Variants in LRP1 observed in about 807,000 individuals in gnomAD.
LRP1 encodes LDL receptor related protein 1, also known as prolow-density lipoprotein receptor-related protein 1.
Under a neutral mutation model 541.5 loss-of-function variants are expected in LRP1, and 51 were observed. The ratio of observed to expected loss-of-function variants is 0.09; its 90% CI spans 0.08 to 0.12. The LOEUF (loss-of-function observed/expected upper bound fraction) is 0.12, where lower values mean the gene tolerates loss of function less well. LRP1 is among the 10% of genes least tolerant of loss of function. The pLI is 1.00. For missense variants in LRP1, 3,878 were observed against 6,376.2 expected (o/e 0.61, Z 13.34); for synonymous variants, 2,219 against 2,470.8 (o/e 0.90, Z 3.02).
At chr12:57,186,655 T>C (rs565256790) in intron 41 of LRP1, among the ~76,000 whole-genome samples, 2 of 152,340 alleles carry the variant, frequency 1.3e-5, no homozygotes, top group Admixed American at 6.5e-5. Flanking sequence ...CGGTACTCCA[T>C]GCTCGTAGCT....
At position 57,209,825 on chromosome 12, in the gene LRP1, C is replaced by A. The variant is rs750194742; in HGVS notation, c.12396C>A (p.His4132Gln). ...TCAACCTGACAGGGGGCCTGAGCCA[C>A]GCCTCTGACGTGGTCCTTTACCATC... ...PLVNLTGGLS[H>Q]ASDVVLYHQH... The change falls in exon 80 of 89, where the codon CAC (histidine) becomes CAA (glutamine). Residue 4132 changes from histidine to glutamine, a missense_variant. Physicochemically the swap from His to Gln is conservative, Grantham distance 24 (BLOSUM62 0). Coordinates refer to ENST00000243077, the MANE Select transcript of LRP1 (RefSeq NM_002332.3). 6.2e-7 allele frequency: 1 copy of A among 1,614,102 alleles called. No individual in the cohort carries two copies. The highest frequency in any genetic ancestry group is 1.7e-5 in the Admixed American group (1 of 60,008).
At position 57,173,955 on chromosome 12, in the gene LRP1, C is replaced by T. The variant is rs773683010; in HGVS notation, c.3522C>T (p.Asp1174=). The T allele has an allele frequency of 3.5e-5, 57 of 1,614,174 alleles. No homozygotes were observed. Among genetic ancestry groups the T allele is most frequent in the Middle Eastern group, 1.6e-4 (1 of 6,062 alleles). Residue 1174 remains aspartate (D), a synonymous_variant, in exon 22 of 89, where the codon GAC becomes GAT. Coordinates refer to ENST00000243077, the MANE Select transcript of LRP1 (RefSeq NM_002332.3). This position sits in a 1 kb window ranked among gnomAD's most constrained non-coding sequence, Gnocchi z 4.7. Reference sequence around the variant, plus strand: ...GTGATGGCAACGACGACTGTGGCGACGGCTCAGATGAGGGCGAGCTCTGCG... The same window carrying T: ...GTGATGGCAACGACGACTGTGGCGATGGCTCAGATGAGGGCGAGCTCTGCG... ...KLCDGNDDCG[D]GSDEGELCDQ...
rs532017351 is a variant in LRP1 at position 57,185,257 on chromosome 12, G to C, written c.6463+52G>C. The C allele has an allele frequency of 1.8e-4, 287 of 1,604,548 alleles. 2 individuals carry two copies. In the South Asian group the frequency reaches 3.0e-3, roughly 17 times the overall value. On this transcript the variant is annotated intron_variant, in intron 40 of 88. Transcript: ENST00000243077. The surrounding 1 kb of genome is among the most constrained non-coding windows in gnomAD (Gnocchi z 4.9). ...GGAGAGGTGAGGGGGACTCTGGCCTGGGAGAGTGCTCCCCAGGGAACCCAG... is the reference window on the plus strand; with the variant it reads ...GGAGAGGTGAGGGGGACTCTGGCCTCGGAGAGTGCTCCCCAGGGAACCCAG...
At chr12:57,198,109 C>T (rs1159940335) in intron 58 of LRP1, 47 bp from the exon 59 acceptor site, 4 of 1,537,436 alleles carry the variant, frequency 2.6e-6, no homozygotes, top group African/African-American at 1.4e-5. Context: ...CTTGCAGGTC[C>T]TCCCCCAGGT....
rs900561976 is a variant in LRP1, at chr12:57,130,609, G to A, written c.67+1578G>A. Among the ~76,000 whole-genome samples the A allele has an allele frequency of 3.3e-5, 5 of 152,148 alleles. No individual in the cohort carries two copies. In the East Asian group the frequency reaches 5.8e-4, roughly 18 times the overall value. ...AGATTGGGGTTGCAGCCGCTTCTGGGAGGAATAGAAAAAAAATTTGAGAGA... is the reference window on the plus strand; with the variant it reads ...AGATTGGGGTTGCAGCCGCTTCTGGAAGGAATAGAAAAAAAATTTGAGAGA... On this transcript the variant is annotated intron_variant, in intron 1 of 88. Coordinates refer to ENST00000243077, the MANE Select transcript of LRP1 (RefSeq NM_002332.3).
At chr12:57,130,625 A>G (rs2035019248) in intron 1 of LRP1, among the ~76,000 whole-genome samples, 1 of 152,054 alleles carries the variant, frequency 6.6e-6, no homozygotes, top group South Asian at 2.1e-4. Context: ...TAGAAAAAAA[A>G]TTTGAGAGAG....
chr12:57,135,441 C>T (rs1222568032), intron 1 of LRP1, among the ~76,000 whole-genome samples: 2 of 152,236 alleles, frequency 1.3e-5, no homozygotes, highest in Admixed American at 6.5e-5. Context: ...ACTCAGCTCT[C>T]TCCCAGCTCT....
At chr12:57,142,358 G>A (rs1443060894) in intron 3 of LRP1, among the ~76,000 whole-genome samples, 1 of 152,042 alleles carries the variant, frequency 6.6e-6, no homozygotes, top group Admixed American at 6.5e-5. Flanking sequence ...TGTGGGGGCA[G>A]TGTCCTGTGC....
At chr12:57,139,097 G>A (rs2136656510) in intron 2 of LRP1, among the ~76,000 whole-genome samples, 1 of 152,322 alleles carries the variant, frequency 6.6e-6, no homozygotes, top group South Asian at 2.1e-4. Flanking sequence ...TTTTAACTGG[G>A]AGAAAGGTCC....
chr12:57,163,309 A>G (rs549793584), intron 15 of LRP1, among the ~76,000 whole-genome samples: 1 of 152,320 alleles, frequency 6.6e-6, no homozygotes, highest in East Asian at 1.9e-4. Flanking sequence ...TAAAATAATA[A>G]ATAGTTCCAA....
chr12:57,167,323 C>T (rs2035859204), intron 18 of LRP1, 121 bp from the exon 19 acceptor site: 3 of 770,830 alleles, frequency 3.9e-6, no homozygotes, highest in Admixed American at 4.0e-5. Context: ...GGGGCCTTCC[C>T]CACCCTTCCT....
rs746078318 is a variant in LRP1, at chr12:57,193,168, C to T, written c.7556-8C>T. The T allele has an allele frequency of 1.9e-6, 3 of 1,613,544 alleles. No homozygotes were observed. The highest frequency in any genetic ancestry group is 2.5e-6 in the Non-Finnish European group (3 of 1,179,718). ...GGCTCAGAAAGCTCCCTCCACCTCC[C>T]TCCCCAGCGGTGAATTCCTCTTGCC... is the stretch of plus-strand genomic sequence containing the variant. On this transcript the variant is annotated splice_region_variant and splice_polypyrimidine_tract_variant and intron_variant, in intron 45 of 88. Transcript: ENST00000243077.
At chr12:57,203,111 C>T in intron 68 of LRP1, 70 bp from the exon 69 acceptor site, 1 of 1,139,522 alleles carries the variant, frequency 8.8e-7, no homozygotes, top group South Asian at 1.5e-5. Context: ...GGGCTCGGGA[C>T]TGTGGCACTA....
At chr12:57,210,195 G>T in intron 81 of LRP1, 26 bp downstream of exon 81, 1 of 1,572,380 alleles carries the variant, frequency 6.4e-7, no homozygotes, top group Non-Finnish European at 8.6e-7. Context: ...CCCAGTCCCA[G>T]CCATGCCTCA....
chr12:57,192,553 G>A lies in LRP1; in HGVS notation c.7430-292G>A, dbSNP rs1800184. Reference sequence around the variant, plus strand: ...CGCCCTGGGGCTCACTACTGCACCCGTGATCTCAGGGCCCTCAGACTCGAA... The same window carrying A: ...CGCCCTGGGGCTCACTACTGCACCCATGATCTCAGGGCCCTCAGACTCGAA... On this transcript the variant is annotated intron_variant, in intron 44 of 88. Coordinates refer to ENST00000243077, the MANE Select transcript of LRP1 (RefSeq NM_002332.3). Among the ~76,000 whole-genome samples the A allele has an allele frequency of 5.6e-3, 857 of 152,236 alleles. 2 individuals are homozygous for A. The highest frequency in any genetic ancestry group is 9.9e-3 in the Non-Finnish European group (675 of 68,018).
At chr12:57,207,641 A>G (rs550672938) in intron 76 of LRP1, among the ~76,000 whole-genome samples, 3 of 152,310 alleles carry the variant, frequency 2.0e-5, no homozygotes, top group South Asian at 4.1e-4. Context: ...CAGCGGGAAG[A>G]CAGAGCAGTG....
In LRP1 at chr12:57,209,145, G is replaced by A. The variant is rs758974953; in HGVS notation, c.12208G>A (p.Gly4070Ser). 1.8e-5 allele frequency: 29 copies of A among 1,613,976 alleles called. No homozygotes were observed. Among genetic ancestry groups the A allele is most frequent in the African/African-American group, 4.0e-5 (3 of 74,926 alleles). ...YWADAKLSVI[G>S]SIRLNGTDPI... The stretch of plus-strand genomic sequence containing the variant: ...GGCAGACGCCAAGCTTTCAGTCATC[G>A]GCAGCATCCGGCTCAATGGCACGGA... The change falls in exon 79 of 89, where the codon GGC becomes AGC. Residue 4070 changes from glycine (G) to serine (S), a missense_variant. Around this residue, in one of 13 missense-constraint regions of LRP1, gnomAD observed 871 missense variants for 1,212.4 expected, o/e 0.72. Coordinates refer to ENST00000243077, the MANE Select transcript of LRP1 (RefSeq NM_002332.3).
At chr12:57,146,998 G>T (rs1163052907) in intron 6 of LRP1, among the ~76,000 whole-genome samples, 1 of 151,952 alleles carries the variant, frequency 6.6e-6, no homozygotes, top group Non-Finnish European at 1.5e-5. Context: ...TGTCCTGGAG[G>T]TAACCTTCTC....
chr12:57,162,020 C>T lies in LRP1; in HGVS notation c.2203-297C>T, dbSNP rs546629193. On this transcript the variant is annotated intron_variant, in intron 13 of 88. Coordinates refer to ENST00000243077, the MANE Select transcript of LRP1 (RefSeq NM_002332.3). This position sits in a 1 kb window ranked among gnomAD's most constrained non-coding sequence, Gnocchi z 5.2. ...ATGAGTGTGTGTGTGTGTGTGTGCA[C>T]GTATGTGTGCGTGTGTGTGTTTGGG... 5.3e-5 allele frequency among the ~76,000 whole-genome samples: 8 copies of T among 151,492 alleles called. No individual in the cohort carries two copies. The highest frequency in any genetic ancestry group is 2.1e-4 in the South Asian group (1 of 4,806).
Sources: allele counts gnomAD v4.1 joint callset (sites outside exome capture counted in the v4.1 genomes callset), GRCh38; gene constraint gnomAD v4.1.1; regional missense constraint gnomAD v4.1.1; non-coding constraint Gnocchi (gnomAD v3.1); transcripts MANE v1.5; gene names NCBI Gene and HGNC (gene_info 2026-07-23, HGNC 2026-07-21).